Variants in CNDP2 observed in about 807,000 individuals in gnomAD.
CNDP2 encodes carnosine dipeptidase 2.
A neutral mutation model predicts 55.0 loss-of-function variants in CNDP2; 38 were observed. The ratio of observed to expected loss-of-function variants is 0.69; its 90% confidence interval spans 0.53 to 0.90. The LOEUF (loss-of-function observed/expected upper bound fraction) is 0.90. CNDP2 is among the 40% of genes least tolerant of loss of function. CNDP2 has a pLI of 0.00. For missense variants in CNDP2, 607 were observed against 621.7 expected (o/e 0.98, Z 0.25); for synonymous variants, 241 against 260.2 (o/e 0.93, Z 0.71).
chr18:74,512,821 C>T (rs1004577575), intron 7 of CNDP2, among the ~76,000 whole-genome samples: 1 of 152,164 alleles, frequency 6.6e-6, no homozygotes, highest in Non-Finnish European at 1.5e-5. Context: ...CCAAGCCCCT[C>T]GAGGCACGTG....
chr18:74,518,679 C>T (rs898152611), intron 10 of CNDP2, 39 bp downstream of exon 10: 19 of 1,612,590 alleles, frequency 1.2e-5, no homozygotes, highest in Non-Finnish European at 1.6e-5. Context: ...GCGCAGGGCC[C>T]TTCGCACGTC....
In CNDP2 at chr18:74,520,387, G is replaced by A. The variant is rs1218788982; in HGVS notation, c.*319G>A. 3.7e-5 allele frequency: 12 copies of A among 320,270 alleles called. No individual in the cohort carries two copies. The highest frequency in any genetic ancestry group is 2.0e-4 in the South Asian group (6 of 30,656). The allele number at this position is 320,270 out of a possible 1,614,324, so 19.8% of individuals were successfully genotyped here. On this transcript the variant is annotated 3_prime_UTR_variant, in exon 12 of 12. Transcript: ENST00000324262. ...GTTCTGGTTGTCGGCCGGGCACCAC[G>A]GCTCACACCTATAATCGAGCACTTT...
At chr18:74,500,876 G>A (rs1003537609) in intron 2 of CNDP2, among the ~76,000 whole-genome samples, 6 of 152,226 alleles carry the variant, frequency 3.9e-5, no homozygotes, top group African/African-American at 1.4e-4. Flanking sequence ...CGTGACAGGG[G>A]CTGTATGCAC....
intron 4 of CNDP2, 56 bp downstream of exon 4, chr18:74,506,067 C>G: frequency 6.8e-7 from 1 of 1,466,258 alleles, no homozygotes. Context: ...TTTGGAAAGT[C>G]ATTGCTAGTC....
chr18:74,511,042 C>T lies in CNDP2; in HGVS notation c.657+29C>T, dbSNP rs759982823. 1.9e-6 allele frequency: 3 copies of T among 1,582,526 alleles called. No individual in the cohort carries two copies. The East Asian group carries it at 6.7e-5, about 35-fold the overall frequency. ...CAGTGCCAAGCTGTACGGGTCACTT[C>T]TTTCTAACCCCTGAATCTCCCGGTT... On this transcript the variant is annotated intron_variant, in intron 6 of 11. Transcript: ENST00000324262.
intron 8 of CNDP2, among the ~76,000 whole-genome samples, chr18:74,514,865 G>A: frequency 6.6e-6 from 1 of 152,318 alleles, no homozygotes; most frequent in Non-Finnish European, 1.5e-5. Flanking sequence ...AGGCCCGGCT[G>A]GGCTCTTGAG....
At chr18:74,499,749 C>T (rs528764679) in intron 1 of CNDP2, 133 bp from the exon 2 acceptor site, 7 of 441,026 alleles carry the variant, frequency 1.6e-5, no homozygotes, top group African/African-American at 4.0e-5. Context: ...TAGCCCCAGC[C>T]TCTAACTGGT....
Position 74,513,571 on chromosome 18 carries a change from A to G in CNDP2, c.755A>G (p.Asp252Gly), listed in dbSNP as rs767582424. ...DLILLMGSLV[D>G]KRGNILIPGI... ...CGGCTTCCCTCAGGCTCTTTGGTGG[A>G]CAAGAGGGGGAACATCCTGATCCCC... Residue 252 changes from aspartate (D) to glycine (G), a missense_variant, in exon 8 of 12, where the codon GAC becomes GGC. Physicochemically the swap from Asp to Gly is moderately conservative, Grantham distance 94 (BLOSUM62 -1). Coordinates refer to ENST00000324262, the MANE Select transcript of CNDP2 (RefSeq NM_018235.3). 1.2e-5 allele frequency: 19 copies of G among 1,612,748 alleles called. No homozygotes were observed. Among genetic ancestry groups the G allele is most frequent in the East Asian group, 2.2e-5 (1 of 44,876 alleles).
chr18:74,513,857 G>A (rs886841820), intron 8 of CNDP2, 138 bp downstream of exon 8: 1 of 840,990 alleles, frequency 1.2e-6, no homozygotes, highest in Middle Eastern at 2.9e-4. Context: ...GAGTCACTCA[G>A]AAAGCAGACT....
At chr18:74,508,765 G>T in intron 4 of CNDP2, 75 bp from the exon 5 acceptor site, 1 of 1,217,308 alleles carries the variant, frequency 8.2e-7, no homozygotes, top group South Asian at 1.2e-5. Context: ...GGGGTTATCA[G>T]ATGTGCACCT....
chr18:74,523,124 T>C lies in CNDP2; in HGVS notation c.*3056T>C, dbSNP rs1417693998. The C allele has an allele frequency of 6.6e-6, 1 of 152,226 alleles. No individual in the cohort carries two copies. Among genetic ancestry groups the C allele is most frequent in the African/African-American group, 2.4e-5 (1 of 41,454 alleles). 9.4% of individuals were successfully genotyped at this position (152,226 alleles called of 1,614,324 possible). On this transcript the variant is annotated 3_prime_UTR_variant, in exon 12 of 12. Coordinates refer to ENST00000324262, the MANE Select transcript of CNDP2 (RefSeq NM_018235.3). ...CCTGGCCCATGATCAGATAAATGCCTAAGTGGGGTGGCATGGACATTTGCA... is the reference window on the plus strand; with the variant it reads ...CCTGGCCCATGATCAGATAAATGCCCAAGTGGGGTGGCATGGACATTTGCA...
At chr18:74,501,076 T>G (rs149708461) in intron 2 of CNDP2, 17,591 of 691,080 alleles carry the variant, frequency 0.025, 193 homozygotes, top group Middle Eastern at 0.039. Flanking sequence ...CACTTCCTTG[T>G]TTTTTTTTTG....
At position 74,518,935 on chromosome 18, in the gene CNDP2, T is replaced by C; in HGVS notation, c.1211-14T>C. 1.3e-6 allele frequency: 2 copies of C among 1,535,466 alleles called. No homozygotes were observed. Among genetic ancestry groups the C allele is most frequent in the Admixed American group, 2.0e-5 (1 of 49,746 alleles). ...CCCAAAGCTCACCGTTTATTTTATTTCATTTCCCCCCAGTTTTTGGTGTTG... is the reference window on the plus strand; with the variant it reads ...CCCAAAGCTCACCGTTTATTTTATTCCATTTCCCCCCAGTTTTTGGTGTTG... On this transcript the variant is annotated splice_polypyrimidine_tract_variant and intron_variant, in intron 10 of 11. Coordinates refer to ENST00000324262, the MANE Select transcript of CNDP2 (RefSeq NM_018235.3).
intron 8 of CNDP2, 50 bp downstream of exon 8, chr18:74,513,769 C>G: frequency 1.3e-6 from 2 of 1,584,852 alleles, no homozygotes; most frequent in Non-Finnish European, 1.7e-6. Context: ...CGCTGTGACA[C>G]AGGTGTCCCC....
Position 74,510,827 on chromosome 18 carries a change from C to A in CNDP2, c.471C>A (p.Asn157Lys), listed in dbSNP as rs35740490. 6.2e-7 allele frequency: 1 copy of A among 1,613,430 alleles called. No individual in the cohort carries two copies. Among genetic ancestry groups the A allele is most frequent in the Non-Finnish European group, 8.5e-7 (1 of 1,179,710 alleles). Residue 157 changes from asparagine (N) to lysine (K), a missense_variant, in exon 6 of 12, where the codon AAC (asparagine) becomes AAA (lysine). Transcript: ENST00000324262. ...YQKTGQEIPV[N>K]VRFCLEGMEE... ...CCTTCTCACAGGAGATTCCTGTCAA[C>A]GTCCGATTCTGCCTCGAAGGCATGG...
intron 9 of CNDP2, 25 bp downstream of exon 9, chr18:74,516,417 G>T (rs1201430369): frequency 1.3e-6 from 2 of 1,590,270 alleles, no homozygotes; most frequent in South Asian, 1.1e-5. Flanking sequence ...GACACGGGGT[G>T]GGGGCCAAGA....
intron 1 of CNDP2, 36 bp from the exon 2 acceptor site, chr18:74,499,846 A>AG: frequency 1.4e-6 from 1 of 729,294 alleles, no homozygotes. Flanking sequence ...GGGTGGGGCA[A>AG]CAATTTACAA....
chr18:74,509,025 A>T, intron 5 of CNDP2, 97 bp downstream of exon 5: 1 of 1,007,904 alleles, frequency 9.9e-7, no homozygotes, highest in Admixed American at 2.2e-5. Flanking sequence ...TAAAGCTCAC[A>T]GGAAAAGATA....
intron 5 of CNDP2, 63 bp from the exon 6 acceptor site, chr18:74,510,749 GT>G: frequency 7.3e-7 from 1 of 1,374,480 alleles, no homozygotes; most frequent in Admixed American, 1.8e-5. Flanking sequence ...GTAATCCTGA[GT>G]GTGGCTTCTA....
Sources: gnomAD v4.1 joint callset for allele counts (sites outside exome capture counted in the v4.1 genomes callset) on GRCh38, gnomAD v4.1.1 for gene constraint, MANE v1.5 for transcripts, NCBI Gene and HGNC (gene_info 2026-07-23, HGNC 2026-07-21) for gene names.